VPS41: variants seen among roughly 807,000 people sequenced by gnomAD.
VPS41 encodes vacuolar protein sorting-associated protein 41 homolog.
VPS41 carries 85 observed loss-of-function variants against 130.9 expected under a neutral mutation model. That is an observed-to-expected ratio of 0.65 (90% confidence interval 0.55 to 0.78). The LOEUF is 0.78. VPS41 is among the 30% of genes least tolerant of loss of function. The pLI, the probability that VPS41 is intolerant of heterozygous loss-of-function variation, is 0.00. For missense variants in VPS41, 874 were observed against 1,018.7 expected (o/e 0.86, Z 1.93); for synonymous variants, 335 against 332.9 (o/e 1.01, Z -0.07).
At chr7:38,806,412 C>T (rs1784838843) in intron 7 of VPS41, among the ~76,000 whole-genome samples, 1 of 152,046 alleles carries the variant, frequency 6.6e-6, no homozygotes, top group Non-Finnish European at 1.5e-5. Context: ...TCAAATAGAT[C>T]CATAAGATAG....
chr7:38,787,392 C>T (rs1157663320), intron 10 of VPS41, among the ~76,000 whole-genome samples: 3 of 152,104 alleles, frequency 2.0e-5, no homozygotes, highest in African/African-American at 4.8e-5. Flanking sequence ...GAAGTTAAAA[C>T]ATGGATGCTA....
chr7:38,780,609 A>G (rs1210645341), intron 10 of VPS41, among the ~76,000 whole-genome samples: 1 of 152,158 alleles, frequency 6.6e-6, no homozygotes, highest in Non-Finnish European at 1.5e-5. Flanking sequence ...TCCTCATCCA[A>G]AAGGGAGGCT....
chr7:38,745,794 A>C (rs1795974658), intron 22 of VPS41, 181 bp from the exon 23 acceptor site: 1 of 602,008 alleles, frequency 1.7e-6, no homozygotes, highest in African/African-American at 1.9e-5. Context: ...TCTCAGAGGT[A>C]CTGGACTCTA....
chr7:38,749,680 C>G (rs1344577532), intron 22 of VPS41, among the ~76,000 whole-genome samples: 1 of 152,140 alleles, frequency 6.6e-6, no homozygotes, highest in Non-Finnish European at 1.5e-5. Context: ...ATGAGTCGCT[C>G]TTTATACAAA....
intron 25 of VPS41, among the ~76,000 whole-genome samples, chr7:38,738,366 C>A (rs1356704016): frequency 6.6e-6 from 1 of 152,202 alleles, no homozygotes; most frequent in Non-Finnish European, 1.5e-5. Context: ...AATCACTTAA[C>A]TTTTCTGAGA....
At chr7:38,884,996 A>G (rs1203524880) in intron 2 of VPS41, among the ~76,000 whole-genome samples, 1 of 151,984 alleles carries the variant, frequency 6.6e-6, no homozygotes. Context: ...TATACTCTAA[A>G]CTCTTCTGAG....
rs934763218 is a variant in VPS41, at chr7:38,867,047, A to G, written c.168+2099T>C. Among the ~76,000 whole-genome samples the G allele has an allele frequency of 5.9e-5, 9 of 152,236 alleles. No individual in the cohort carries two copies. In the South Asian group the frequency reaches 1.9e-3, roughly 31 times the overall value. On this transcript the variant is annotated intron_variant, in intron 3 of 28. Transcript: ENST00000310301. ...CCTCAAAATCATTACATTAAGTGAA[A>G]GAAACCAAACACAAGAGATCAAATA...
At chr7:38,866,031 A>G (rs1786221662) in intron 3 of VPS41, among the ~76,000 whole-genome samples, 1 of 152,244 alleles carries the variant, frequency 6.6e-6, no homozygotes. Context: ...ACAAGTTCAC[A>G]GTATGTGCAT....
intron 2 of VPS41, among the ~76,000 whole-genome samples, chr7:38,883,953 T>C (rs1049435987): frequency 1.3e-5 from 2 of 152,200 alleles, no homozygotes; most frequent in African/African-American, 4.8e-5. Context: ...AAGAGCAAGT[T>C]TGTAAGCCAA....
At chr7:38,782,258 G>T (rs1486909055) in intron 10 of VPS41, among the ~76,000 whole-genome samples, 1 of 152,138 alleles carries the variant, frequency 6.6e-6, no homozygotes, top group East Asian at 1.9e-4. Flanking sequence ...GCAGGTCCTG[G>T]GCCCAGTTCT....
At chr7:38,744,434 C>T (rs954167194) in intron 23 of VPS41, among the ~76,000 whole-genome samples, 8 of 152,100 alleles carry the variant, frequency 5.3e-5, no homozygotes, top group African/African-American at 1.9e-4. Context: ...CCATTTGATA[C>T]CCCTTCCACA....
At chr7:38,830,780 T>C (rs10085487) in intron 4 of VPS41, among the ~76,000 whole-genome samples, 142,445 of 152,272 alleles carry the variant, frequency 0.94, 66,781 homozygotes, top group East Asian at 1. Context: ...AATCACCACA[T>C]GAGCGACACC....
chr7:38,816,816 G>A lies in VPS41; in HGVS notation c.450+1001C>T, dbSNP rs1785059234. Among the ~76,000 whole-genome samples, 3 of 152,198 alleles carry A rather than the reference G, an allele frequency of 2.0e-5. No homozygotes were observed. The South Asian group carries it at 6.2e-4, about 32-fold the overall frequency. On this transcript the variant is annotated intron_variant, in intron 7 of 28. Coordinates refer to ENST00000310301, the MANE Select transcript of VPS41 (RefSeq NM_014396.4). ...GCTGGAGTGCAATGGCACAATTATA[G>A]CTCACTGCAACCTCAAACTCCTAGG...
chr7:38,772,485 T>A, intron 13 of VPS41, 37 bp downstream of exon 13: 1 of 1,349,616 alleles, frequency 7.4e-7, no homozygotes, highest in Non-Finnish European at 1.1e-6. Flanking sequence ...ATGCTGTAGA[T>A]GAGTCAATAC....
chr7:38,840,156 C>T (rs1010946103), intron 4 of VPS41, among the ~76,000 whole-genome samples: 3 of 152,226 alleles, frequency 2.0e-5, no homozygotes, highest in African/African-American at 4.8e-5. Flanking sequence ...TGACAACTGA[C>T]GCTGCTGACC....
At position 38,743,406 on chromosome 7, in the gene VPS41, T is replaced by A. The variant is rs755176486; in HGVS notation, c.2118A>T (p.Lys706Asn). Residue 706 changes from lysine (K) to asparagine (N), a missense_variant, in exon 24 of 29, where the codon AAA becomes AAT. Physicochemically the swap from Lys to Asn is moderately conservative, Grantham distance 94. Coordinates refer to ENST00000310301, the MANE Select transcript of VPS41 (RefSeq NM_014396.4). ...AGAGATGGCTTTTATGCTTACGTGG[T>A]TTGTCAATGGAATATAAAATCAAAT... ...WEDLILYSIDKPPFITGLLNN... is the reference protein window; with the variant it reads ...WEDLILYSIDNPPFITGLLNN... 8.7e-6 allele frequency: 14 copies of A among 1,613,774 alleles called. No individual in the cohort carries two copies. The South Asian group carries it at 1.4e-4, about 16-fold the overall frequency.
chr7:38,751,250 C>A (rs1243506784), intron 22 of VPS41, among the ~76,000 whole-genome samples: 1 of 152,170 alleles, frequency 6.6e-6, no homozygotes, highest in East Asian at 1.9e-4. Flanking sequence ...TATCATCCAG[C>A]TTCTTTGCAC....
chr7:38,831,095 T>G, intron 4 of VPS41: 1 of 422,100 alleles, frequency 2.4e-6, no homozygotes, highest in Non-Finnish European at 4.8e-6. Context: ...AGTCTTTGAA[T>G]AAATTCCTTC....
At chr7:38,738,078 G>A (rs1795807455) in intron 25 of VPS41, among the ~76,000 whole-genome samples, 2 of 152,182 alleles carry the variant, frequency 1.3e-5, no homozygotes, top group Admixed American at 6.5e-5. Flanking sequence ...TTAAGGGTTA[G>A]ACTCACACCA....
Sources: gnomAD v4.1 joint callset for allele counts (sites outside exome capture counted in the v4.1 genomes callset) on GRCh38, gnomAD v4.1.1 for gene constraint, MANE v1.5 for transcripts, NCBI Gene and HGNC (gene_info 2026-07-23, HGNC 2026-07-21) for gene names.